Variants in POLR3B observed in about 807,000 individuals in gnomAD.
The protein encoded by POLR3B is RNA polymerase III subunit B.
In POLR3B, 96 loss-of-function variants were observed where a neutral mutation model predicts 147.4. That is an observed-to-expected ratio of 0.65 (90% confidence interval 0.55 to 0.77). The LOEUF is 0.77. Ranked by LOEUF, POLR3B falls within the 30% of genes least tolerant of loss-of-function variation. The probability of loss-of-function intolerance (pLI) is 0.00; values close to 1 mark genes in which losing one functional copy is unlikely to be tolerated. For missense variants in POLR3B, 1,036 were observed against 1,413.5 expected (o/e 0.73, Z 4.28); for synonymous variants, 461 against 485.9 (o/e 0.95, Z 0.67).
At chr12:106,389,506 G>A (rs1593012855) in intron 9 of POLR3B, among the ~76,000 whole-genome samples, 1 of 152,168 alleles carries the variant, frequency 6.6e-6, no homozygotes, top group African/African-American at 2.4e-5. Flanking sequence ...AACTTGAAGT[G>A]GCAATCCATA....
chr12:106,359,701 A>C (rs2036440113), intron 1 of POLR3B, among the ~76,000 whole-genome samples: 1 of 152,346 alleles, frequency 6.6e-6, no homozygotes, highest in East Asian at 1.9e-4. Context: ...CTAATGTGCC[A>C]GGTTCTGTTT....
chr12:106,509,458 T>G lies in POLR3B; in HGVS notation c.3311T>G (p.Leu1104Arg), dbSNP rs2038741005. ...YCKSSCHVSS[L>R]RIPYACKLLF... ...AAGTCATCCTGCCACGTGTCTTCCC[T>G]CCGTATTCCGTATGCCTGCAAGCTG... The change falls in exon 28 of 28, where the codon CTC becomes CGC. Residue 1104 changes from leucine (L) to arginine (R), a missense_variant. Around this residue, in one of 12 missense-constraint regions of POLR3B, gnomAD observed 69 missense variants for 89.8 expected, o/e 0.77. Transcript: ENST00000228347. The G allele has an allele frequency of 1.9e-6, 3 of 1,613,714 alleles. No homozygotes were observed. The Admixed American group carries it at 5.0e-5, about 27-fold the overall frequency.
intron 18 of POLR3B, among the ~76,000 whole-genome samples, chr12:106,442,453 A>G (rs7301534): frequency 0.016 from 2,470 of 152,258 alleles, 66 homozygotes; most frequent in African/African-American, 0.057. Context: ...AGCAAAACAA[A>G]ACCTAGAGTA....
At chr12:106,472,788 G>A (rs370792410) in intron 23 of POLR3B, among the ~76,000 whole-genome samples, 1,438 of 101,780 alleles carry the variant, frequency 0.014, 95 homozygotes, top group African/African-American at 0.049. Flanking sequence ...AGTAGGTTGC[G>A]AAAATTTTCT....
intron 9 of POLR3B, 78 bp downstream of exon 9, chr12:106,380,217 G>A: frequency 3.6e-6 from 3 of 830,710 alleles, no homozygotes; most frequent in South Asian, 2.8e-5. Flanking sequence ...GAGATTTGGA[G>A]GGTAAGGAAT....
chr12:106,427,373 A>G lies in POLR3B; in HGVS notation c.1263+15A>G, dbSNP rs1486125237. ...CTATTTCTACCGTAAGTCTTCAGTC[A>G]CTCTTTTAGGATTTTGTAATTTATT... On this transcript the variant is annotated intron_variant, in intron 13 of 27. Coordinates refer to ENST00000228347, the MANE Select transcript of POLR3B (RefSeq NM_018082.6). 4 of 1,608,868 alleles carry G rather than the reference A, an allele frequency of 2.5e-6. No homozygotes were observed. Among genetic ancestry groups the G allele is most frequent in the East Asian group, 2.2e-5 (1 of 44,800 alleles).
chr12:106,406,968 C>G (rs1197265203), intron 11 of POLR3B, among the ~76,000 whole-genome samples: 3 of 152,110 alleles, frequency 2.0e-5, no homozygotes, highest in Non-Finnish European at 4.4e-5. Flanking sequence ...TGGAAGGTCA[C>G]GGGATCTGTG....
intron 17 of POLR3B, among the ~76,000 whole-genome samples, chr12:106,437,380 C>A (rs1429565667): frequency 6.6e-6 from 1 of 152,132 alleles, no homozygotes; most frequent in Non-Finnish European, 1.5e-5. Context: ...GGACTTACAT[C>A]ATGTGTCAGT....
At chr12:106,399,005 A>G (rs1271260825) in intron 10 of POLR3B, among the ~76,000 whole-genome samples, 1 of 152,208 alleles carries the variant, frequency 6.6e-6, no homozygotes, top group Non-Finnish European at 1.5e-5. Context: ...CGAGTTGAGA[A>G]AAGAAGGCTT....
chr12:106,426,839 T>TCCC (rs67180409), intron 12 of POLR3B, among the ~76,000 whole-genome samples: 2 of 25,320 alleles, frequency 7.9e-5, no homozygotes, highest in African/African-American at 1.7e-4. Context: ...TTCTCCACCG[T>TCCC]CCCCCCCCCC....
chr12:106,447,757 C>T (rs1475079923), intron 19 of POLR3B, among the ~76,000 whole-genome samples: 1 of 152,232 alleles, frequency 6.6e-6, no homozygotes, highest in East Asian at 1.9e-4. Flanking sequence ...AATGAATATG[C>T]AGCACAGACC....
rs963098957 is a variant in POLR3B at position 106,426,854 on chromosome 12, C to G, written c.1102-343C>G. Among the ~76,000 whole-genome samples the G allele has an allele frequency of 1.6e-4, 9 of 56,768 alleles. 1 individual carries two copies. The highest frequency in any genetic ancestry group is 2.5e-4 in the Non-Finnish European group (6 of 24,442). 37.2% of individuals were successfully genotyped at this position (56,768 alleles called of 152,430 possible). ...TTCTCCACCGTCCCCCCCCCCCCCC[C>G]CCGTCCTTTTTGGTTTTAATATATA... On this transcript the variant is annotated intron_variant, in intron 12 of 27. Coordinates refer to ENST00000228347, the MANE Select transcript of POLR3B (RefSeq NM_018082.6).
chr12:106,432,192 A>G (rs2037519800), intron 14 of POLR3B, 126 bp from the exon 15 acceptor site: 2 of 801,166 alleles, frequency 2.5e-6, no homozygotes, highest in South Asian at 1.4e-5. Context: ...GAATCACCAC[A>G]GTATCCCCTA....
chr12:106,487,870 G>A (rs901604950), intron 23 of POLR3B, among the ~76,000 whole-genome samples: 15 of 152,162 alleles, frequency 9.9e-5, no homozygotes, highest in African/African-American at 2.9e-4. Context: ...TGGAATAAGC[G>A]AGTCAATACT....
intron 10 of POLR3B, 26 bp downstream of exon 10, chr12:106,393,179 CT>C: frequency 6.2e-7 from 1 of 1,613,576 alleles, no homozygotes; most frequent in Middle Eastern, 1.7e-4. Flanking sequence ...TTGTCCTTTG[CT>C]ATGAAATGGA....
chr12:106,386,897 ACT>A (rs1453455384), intron 9 of POLR3B, among the ~76,000 whole-genome samples: 4 of 143,276 alleles, frequency 2.8e-5, no homozygotes, highest in Admixed American at 6.8e-5. Context: ...ACAGAGCAAG[ACT>A]CTGTCTCAAA....
intron 20 of POLR3B, among the ~76,000 whole-genome samples, chr12:106,455,543 G>A (rs1381137076): frequency 6.6e-6 from 1 of 152,150 alleles, no homozygotes; most frequent in East Asian, 1.9e-4. Context: ...ACTTTGTGAT[G>A]TCTGTCAGAA....
chr12:106,456,914 C>CA (rs1238637261), intron 20 of POLR3B, among the ~76,000 whole-genome samples: 1 of 152,110 alleles, frequency 6.6e-6, no homozygotes, highest in Admixed American at 6.6e-5. Flanking sequence ...GTAGAGATTC[C>CA]AGTGTTTACA....
Position 106,509,518 on chromosome 12 carries a change from C to G in POLR3B, c.3371C>G (p.Pro1124Arg). The change falls in exon 28 of 28, where the codon CCC becomes CGC. Residue 1124 changes from proline (P) to arginine (R), a missense_variant. Pro to Arg is a moderately radical substitution (Grantham distance 103). This residue lies in a region of POLR3B where 69 missense variants were observed against 89.8 expected (regional missense o/e 0.77). Coordinates refer to ENST00000228347, the MANE Select transcript of POLR3B (RefSeq NM_018082.6). ...FQELQSMNII[P>R]RLKLSKYNE ...GAACTACAGTCTATGAACATCATCC[C>G]CAGGTTAAAACTGTCCAAGTACAAT... The G allele has an allele frequency of 6.2e-7, 1 of 1,613,042 alleles. No individual in the cohort carries two copies. Among genetic ancestry groups the G allele is most frequent in the Admixed American group, 1.7e-5 (1 of 60,014 alleles).
Sources: allele counts gnomAD v4.1 joint callset (sites outside exome capture counted in the v4.1 genomes callset), GRCh38; gene constraint gnomAD v4.1.1; regional missense constraint gnomAD v4.1.1; transcripts MANE v1.5; gene names NCBI Gene and HGNC (gene_info 2026-07-23, HGNC 2026-07-21).